STK36: variants seen among roughly 807,000 people sequenced by gnomAD.
The protein encoded by STK36 is serine/threonine-protein kinase 36.
A neutral mutation model predicts 142.2 loss-of-function variants in STK36; 116 were observed. The ratio of observed to expected loss-of-function variants is 0.82; its 90% CI spans 0.70 to 0.95. STK36 has a LOEUF of 0.95. STK36 is among the 40% of genes least tolerant of loss of function. STK36 has a pLI of 0.00. For synonymous variants in STK36, 619 were observed against 641.7 expected, an observed-to-expected ratio of 0.96 and a Z score of 0.53; for missense variants, 1,422 against 1,617.2, an observed-to-expected ratio of 0.88 and a Z score of 2.07.
In STK36 at chr2:218,676,082, C is replaced by T; in HGVS notation, c.488C>T (p.Thr163Ile). Residue 163 changes from threonine to isoleucine, a missense_variant, in exon 6 of 27, where the codon ACA (threonine) becomes ATA (isoleucine). Physicochemically the swap from Thr to Ile is moderately conservative, Grantham distance 89. Coordinates refer to ENST00000295709, the MANE Select transcript of STK36 (RefSeq NM_015690.5). ...ATGGTGCTGACATCCATCAAAGGCA[C>T]ACCACTCTATATGTCTCCAGAGCTG... The part of the protein sequence containing the change: ...NTMVLTSIKG[T>I]PLYMSPELVE... The T allele has an allele frequency of 5.6e-6, 9 of 1,614,170 alleles. No individual in the cohort carries two copies. The highest frequency in any genetic ancestry group is 6.8e-6 in the Non-Finnish European group (8 of 1,180,028).
intron 26 of STK36, among the ~76,000 whole-genome samples, chr2:218,700,383 A>ATTAT (rs896654091): frequency 2.5e-4 from 38 of 151,418 alleles, no homozygotes; most frequent in Admixed American, 5.9e-4. Context: ...TTGTATTTTT[A>ATTAT]TTATTTATTT....
Position 218,680,598 on chromosome 2 carries a change from G to T in STK36, c.1137-5G>T, listed in dbSNP as rs777081098. 7 of 1,611,332 alleles carry T rather than the reference G, an allele frequency of 4.3e-6. No individual in the cohort carries two copies. The highest frequency in any genetic ancestry group is 5.1e-6 in the Non-Finnish European group (6 of 1,179,060). On this transcript the variant is annotated splice_region_variant and splice_polypyrimidine_tract_variant and intron_variant, in intron 9 of 26. Transcript: ENST00000295709. Reference sequence around the variant, plus strand: ...CCCGTTCTACCCCTTGGCTTCCTCCGGCAGGGAAAACCGGACCACCCCAGA... The same window carrying T: ...CCCGTTCTACCCCTTGGCTTCCTCCTGCAGGGAAAACCGGACCACCCCAGA...
At chr2:218,684,228 C>G (rs1940673152) in intron 10 of STK36, among the ~76,000 whole-genome samples, 1 of 150,442 alleles carries the variant, frequency 6.6e-6, no homozygotes, top group Non-Finnish European at 1.5e-5. Context: ...TATCCTGCCT[C>G]TGCCTCCCGA....
At position 218,702,130 on chromosome 2, in the gene STK36, A is replaced by C; in HGVS notation, c.*121A>C. 5 of 1,236,764 alleles carry C rather than the reference A, an allele frequency of 4.0e-6. No individual in the cohort carries two copies. In the South Asian group the frequency reaches 8.6e-5, roughly 21 times the overall value. 76.6% of individuals were successfully genotyped at this position (1,236,764 alleles called of 1,614,324 possible). ...AGAAAAGAGATAAGCTGCCAACTCA[A>C]CTGAGAACAAGAAACTAGAAGAGAT... On this transcript the variant is annotated 3_prime_UTR_variant, in exon 27 of 27. Transcript: ENST00000295709.
At chr2:218,690,226 G>A (rs1330754948) in intron 13 of STK36, among the ~76,000 whole-genome samples, 2 of 151,648 alleles carry the variant, frequency 1.3e-5, no homozygotes, top group Non-Finnish European at 1.5e-5. Context: ...GAAGCCAATT[G>A]GATTAAAGAA....
chr2:218,676,074 C>T lies in STK36; in HGVS notation c.480C>T (p.Ile160=), dbSNP rs773566006. ...MSTNTMVLTS[I]KGTPLYMSPE... ...CCAATACAATGGTGCTGACATCCAT[C>T]AAAGGCACACCACTCTATATGTCTC... Residue 160 remains isoleucine, a synonymous_variant, in exon 6 of 27, where the codon ATC becomes ATT. Coordinates refer to ENST00000295709, the MANE Select transcript of STK36 (RefSeq NM_015690.5). The T allele has an allele frequency of 1.2e-6, 2 of 1,614,184 alleles. No individual in the cohort carries two copies. Among genetic ancestry groups the T allele is most frequent in the Non-Finnish European group, 1.7e-6 (2 of 1,180,036 alleles).
At chr2:218,678,564 TC>T (rs1940361636) in intron 6 of STK36, among the ~76,000 whole-genome samples, 1 of 152,162 alleles carries the variant, frequency 6.6e-6, no homozygotes, top group Admixed American at 6.5e-5. Flanking sequence ...ATACCTCTGT[TC>T]CTATTTGAGG....
rs146493276 is a variant in STK36 at position 218,688,805 on chromosome 2, C to A, written c.1489C>A (p.Arg497=). The A allele has an allele frequency of 6.2e-7, 1 of 1,613,922 alleles. No homozygotes were observed. The highest frequency in any genetic ancestry group is 8.5e-7 in the Non-Finnish European group (1 of 1,180,002). Residue 497 remains arginine (R), a synonymous_variant, in exon 12 of 27, where the codon CGG becomes AGG. Coordinates refer to ENST00000295709, the MANE Select transcript of STK36 (RefSeq NM_015690.5). ...SDSVALYSFC[R]EAGLPGLLLS... is the part of the protein sequence containing the mutation. ...TTCTGTTGCCTTGTATTCCTTCTGCCGGGAGGCAGGGCTTCCTGGGCTGCT... is the reference window on the plus strand; with the variant it reads ...TTCTGTTGCCTTGTATTCCTTCTGCAGGGAGGCAGGGCTTCCTGGGCTGCT...
chr2:218,701,863 C>T lies in STK36; in HGVS notation c.3805-3C>T, dbSNP rs1286232148. The stretch of plus-strand genomic sequence containing the variant: ...GTTCTATCATCTGTTCTCTATCCTA[C>T]AGGTACTGGTGTCCCTGGGTGCCAG... On this transcript the variant is annotated splice_polypyrimidine_tract_variant and splice_region_variant and intron_variant, in intron 26 of 26. Coordinates refer to ENST00000295709, the MANE Select transcript of STK36 (RefSeq NM_015690.5). The T allele has an allele frequency of 6.2e-7, 1 of 1,614,052 alleles. No homozygotes were observed. Among genetic ancestry groups the T allele is most frequent in the Admixed American group, 1.7e-5 (1 of 60,008 alleles).
Position 218,699,740 on chromosome 2 carries a change from T to C in STK36, c.3804+392T>C, listed in dbSNP as rs537578705. 2.6e-5 allele frequency among the ~76,000 whole-genome samples: 4 copies of C among 152,274 alleles called. No individual in the cohort carries two copies. The South Asian group carries it at 8.3e-4, about 32-fold the overall frequency. ...ACGATGCTAAGCATTTTACCTTTATTATCTGGTTTAAACTATTATTATCCT... is the reference window on the plus strand; with the variant it reads ...ACGATGCTAAGCATTTTACCTTTATCATCTGGTTTAAACTATTATTATCCT... On this transcript the variant is annotated intron_variant, in intron 26 of 26. Transcript: ENST00000295709.
chr2:218,697,832 T>C, intron 24 of STK36, 22 bp from the exon 25 acceptor site: 1 of 1,614,164 alleles, frequency 6.2e-7, no homozygotes, highest in Non-Finnish European at 8.5e-7. Flanking sequence ...AGACCAAGTC[T>C]CTTCGACATT....
chr2:218,693,398 C>A, intron 17 of STK36, 54 bp downstream of exon 17: 1 of 1,505,672 alleles, frequency 6.6e-7, no homozygotes, highest in Non-Finnish European at 9.2e-7. Context: ...CCAGTGCAGA[C>A]AGAGAAGCAG....
In STK36 at chr2:218,696,613, T is replaced by A. The variant is rs1308587449; in HGVS notation, c.2586+12T>A. The A allele has an allele frequency of 6.2e-7, 1 of 1,613,628 alleles. No individual in the cohort carries two copies. Among genetic ancestry groups the A allele is most frequent in the Admixed American group, 1.7e-5 (1 of 59,982 alleles). ...AGCTCCTCACTGAGGTACAGATGGATCTTGGGATGGATGGGAAGTAAAGAG... is the reference window on the plus strand; with the variant it reads ...AGCTCCTCACTGAGGTACAGATGGAACTTGGGATGGATGGGAAGTAAAGAG... On this transcript the variant is annotated intron_variant, in intron 22 of 26. Coordinates refer to ENST00000295709, the MANE Select transcript of STK36 (RefSeq NM_015690.5).
At chr2:218,683,892 C>T (rs140696547) in intron 10 of STK36, among the ~76,000 whole-genome samples, 10,780 of 150,514 alleles carry the variant, frequency 0.072, 1,170 homozygotes, top group African/African-American at 0.24. Context: ...ATTTCATCCA[C>T]GTCCCTACAA....
intron 10 of STK36, among the ~76,000 whole-genome samples, chr2:218,684,010 G>C (rs1401208250): frequency 7.4e-5 from 11 of 149,352 alleles, no homozygotes; most frequent in African/African-American, 2.7e-4. Flanking sequence ...TATTGCCCAG[G>C]CTGGTCTTGA....
chr2:218,692,028 A>T (rs1941019603), intron 14 of STK36, 115 bp from the exon 15 acceptor site: 1 of 1,276,800 alleles, frequency 7.8e-7, no homozygotes, highest in Admixed American at 2.5e-5. Context: ...AAAATTAGAC[A>T]TGTGTTTGCT....
At chr2:218,692,400 C>T in intron 15 of STK36, 107 bp downstream of exon 15, 1 of 1,521,198 alleles carries the variant, frequency 6.6e-7, no homozygotes, top group South Asian at 1.2e-5. Flanking sequence ...TTAGTAGGTG[C>T]TCAATAAATA....
intron 10 of STK36, among the ~76,000 whole-genome samples, chr2:218,683,093 G>A (rs1575128109): frequency 1.3e-5 from 2 of 152,064 alleles, no homozygotes; most frequent in South Asian, 2.1e-4. Flanking sequence ...TACATCCTCA[G>A]TACCTTAATC....
Position 218,699,473 on chromosome 2 carries a change from GGACA to G in STK36, c.3804+127_3804+130del, listed in dbSNP as rs144496792. The G allele has an allele frequency of 2.8e-3, 4,006 of 1,408,700 alleles. 84 individuals carry two copies. In the African/African-American group the frequency reaches 0.049, roughly 17 times the overall value. 87.3% of individuals were successfully genotyped at this position (1,408,700 alleles called of 1,614,324 possible). A position where few individuals can be genotyped will look rare whatever the true frequency, so the allele number is the denominator to read the frequency against. On this transcript the variant is annotated intron_variant, in intron 26 of 26. Transcript: ENST00000295709. ...GAAACTTATGCCGTGTTTCTCCCAG[GGACA>G]GTGTCTTGGAGTGAGTTTTCTAGTT...
Sources: gnomAD v4.1 joint callset for allele counts (sites outside exome capture counted in the v4.1 genomes callset) on GRCh38, gnomAD v4.1.1 for gene constraint, MANE v1.5 for transcripts, NCBI Gene and HGNC (gene_info 2026-07-23, HGNC 2026-07-21) for gene names.